PRKCA: variants seen among roughly 807,000 people sequenced by gnomAD.
The protein encoded by PRKCA is protein kinase C alpha type.
In PRKCA, 27 loss-of-function variants were observed where a neutral mutation model predicts 87.0. The ratio of observed to expected loss-of-function variants is 0.31; its 90% CI spans 0.23 to 0.43. The LOEUF (loss-of-function observed/expected upper bound fraction) is 0.43. PRKCA is among the 20% of genes least tolerant of loss of function. The pLI is 1.00. For missense variants in PRKCA, 518 were observed against 852.3 expected, an observed-to-expected ratio of 0.61 and a Z score of 4.88; for synonymous variants, 329 against 311.1, an observed-to-expected ratio of 1.06 and a Z score of -0.61.
At chr17:66,579,347 C>G (rs1969345534) in intron 3 of PRKCA, among the ~76,000 whole-genome samples, 1 of 152,036 alleles carries the variant, frequency 6.6e-6, no homozygotes, top group Non-Finnish European at 1.5e-5. Context: ...GGAGAAAGAG[C>G]CTGAAGAAAG....
At chr17:66,433,146 A>G (rs1913184730) in intron 2 of PRKCA, among the ~76,000 whole-genome samples, 1 of 152,076 alleles carries the variant, frequency 6.6e-6, no homozygotes, top group Non-Finnish European at 1.5e-5. Context: ...AAAAGCAAGA[A>G]CTCTAGAGAT....
At chr17:66,715,362 A>C (rs966846191) in intron 8 of PRKCA, among the ~76,000 whole-genome samples, 1 of 151,062 alleles carries the variant, frequency 6.6e-6, no homozygotes, top group Non-Finnish European at 1.5e-5. Context: ...TTTTCATTGA[A>C]CTCTGCCCTC....
rs757347254 is a variant in PRKCA, at chr17:66,697,328, C to T, written c.918+8281C>T. Reference sequence around the variant, plus strand: ...GCTTTCACCATCATTCCCCTGTAGACGCATCAATGTTGACAACTACCTATG... The same window carrying T: ...GCTTTCACCATCATTCCCCTGTAGATGCATCAATGTTGACAACTACCTATG... On this transcript the variant is annotated intron_variant, in intron 8 of 16. Transcript: ENST00000413366. 3.3e-5 allele frequency among the ~76,000 whole-genome samples: 5 copies of T among 152,170 alleles called. No homozygotes were observed. In the East Asian group the frequency reaches 9.6e-4, roughly 29 times the overall value.
chr17:66,624,612 C>A (rs1474498212), intron 3 of PRKCA, among the ~76,000 whole-genome samples: 1 of 151,954 alleles, frequency 6.6e-6, no homozygotes, highest in African/African-American at 2.4e-5. Context: ...ACCAGCGTGG[C>A]CAACGTGGTG....
At chr17:66,317,899 A>G (rs564390803) in intron 2 of PRKCA, among the ~76,000 whole-genome samples, 1 of 152,372 alleles carries the variant, frequency 6.6e-6, no homozygotes, top group African/African-American at 2.4e-5. Context: ...TTAAAAATGT[A>G]AAATATTTTA....
chr17:66,738,358 G>A (rs981722975), intron 10 of PRKCA, among the ~76,000 whole-genome samples: 1 of 152,152 alleles, frequency 6.6e-6, no homozygotes, highest in Non-Finnish European at 1.5e-5. Flanking sequence ...CTGCAAACCA[G>A]CCTTTAAACA....
At chr17:66,651,871 A>G (rs190609456) in intron 5 of PRKCA, among the ~76,000 whole-genome samples, 27 of 152,278 alleles carry the variant, frequency 1.8e-4, no homozygotes, top group Admixed American at 1.4e-3. Context: ...TGTTGTTTGT[A>G]ATTAATAAGG....
intron 3 of PRKCA, among the ~76,000 whole-genome samples, chr17:66,616,518 G>A (rs957610681): frequency 6.6e-6 from 1 of 152,182 alleles, no homozygotes; most frequent in African/African-American, 2.4e-5. Flanking sequence ...CCCAGGCACC[G>A]TGCTAGGCAC....
At chr17:66,370,136 C>T (rs570914270) in intron 2 of PRKCA, among the ~76,000 whole-genome samples, 28 of 151,922 alleles carry the variant, frequency 1.8e-4, no homozygotes, top group East Asian at 1.5e-3. Flanking sequence ...GCCTTCCTGA[C>T]GGTAAGGACA....
intron 2 of PRKCA, among the ~76,000 whole-genome samples, chr17:66,401,058 A>G (rs556524814): frequency 7.9e-5 from 12 of 152,222 alleles, no homozygotes; most frequent in Non-Finnish European, 1.6e-4. Context: ...AGTTCAGTTA[A>G]TAATGAGTCC....
intron 3 of PRKCA, among the ~76,000 whole-genome samples, chr17:66,587,448 C>T (rs1468478080): frequency 1.3e-5 from 2 of 151,896 alleles, no homozygotes; most frequent in East Asian, 3.9e-4. Flanking sequence ...GAGATTTATC[C>T]ATATTGATTT....
At chr17:66,793,961 G>A (rs949389207) in intron 16 of PRKCA, among the ~76,000 whole-genome samples, 2 of 152,208 alleles carry the variant, frequency 1.3e-5, no homozygotes, top group African/African-American at 4.8e-5. Context: ...CACTCATCCT[G>A]CTTGTAATCA....
intron 2 of PRKCA, among the ~76,000 whole-genome samples, chr17:66,443,456 C>T (rs1001254677): frequency 6.6e-6 from 1 of 152,188 alleles, no homozygotes; most frequent in Non-Finnish European, 1.5e-5. Flanking sequence ...CCCGTTTGCT[C>T]TGGCTGTAGA....
intron 3 of PRKCA, among the ~76,000 whole-genome samples, chr17:66,585,571 A>T (rs1969568088): frequency 6.6e-6 from 1 of 152,236 alleles, no homozygotes; most frequent in South Asian, 2.1e-4. Flanking sequence ...CCACTCCTTA[A>T]GCCACTGTAG....
chr17:66,617,803 G>A (rs760950932), intron 3 of PRKCA, among the ~76,000 whole-genome samples: 2 of 152,112 alleles, frequency 1.3e-5, no homozygotes, highest in Non-Finnish European at 2.9e-5. Flanking sequence ...CTATCTAGTA[G>A]AGTAGGAACT....
intron 3 of PRKCA, among the ~76,000 whole-genome samples, chr17:66,541,035 G>T (rs1038476120): frequency 6.6e-6 from 1 of 152,102 alleles, no homozygotes; most frequent in Non-Finnish European, 1.5e-5. Flanking sequence ...GTTTCCACTG[G>T]TATTCTCTGG....
At chr17:66,501,380 C>T (rs1916723145) in intron 3 of PRKCA, among the ~76,000 whole-genome samples, 1 of 152,194 alleles carries the variant, frequency 6.6e-6, no homozygotes, top group South Asian at 2.1e-4. Context: ...AGATGGCATT[C>T]TGTACCAGCA....
intron 3 of PRKCA, among the ~76,000 whole-genome samples, chr17:66,581,535 G>A (rs1313638580): frequency 1.3e-5 from 2 of 152,094 alleles, no homozygotes; most frequent in African/African-American, 2.4e-5. Flanking sequence ...GAGTGCAGTG[G>A]CACAATCTTG....
chr17:66,449,822 G>A (rs988699592), intron 2 of PRKCA, among the ~76,000 whole-genome samples: 3 of 152,164 alleles, frequency 2.0e-5, no homozygotes, highest in African/African-American at 7.2e-5. Flanking sequence ...GTGGTTGGAT[G>A]CTGGACGAAC....
Sources: allele counts gnomAD v4.1 joint callset (sites outside exome capture counted in the v4.1 genomes callset), GRCh38; gene constraint gnomAD v4.1.1; transcripts MANE v1.5; gene names NCBI Gene and HGNC (gene_info 2026-07-23, HGNC 2026-07-21).